Variants in TSC22D2 observed in about 807,000 individuals in gnomAD.
The protein encoded by TSC22D2 is TSC22 domain family member 2, also known as TSC22 domain family protein 2.
A neutral mutation model predicts 50.1 loss-of-function variants in TSC22D2; 5 were observed. The ratio of observed to expected loss-of-function variants is 0.10; its 90% confidence interval spans 0.05 to 0.21. The LOEUF (loss-of-function observed/expected upper bound fraction) is 0.21, where lower values mean the gene tolerates loss of function less well. TSC22D2 is among the 10% of genes least tolerant of loss of function. TSC22D2 has a pLI of 1.00. For synonymous variants in TSC22D2, 501 were observed against 450.1 expected (o/e 1.11, Z -1.43); for missense variants, 1,003 against 1,015.5 (o/e 0.99, Z 0.17).
intron 1 of TSC22D2, among the ~76,000 whole-genome samples, chr3:150,426,014 T>C (rs1436129315): frequency 2.0e-5 from 3 of 152,202 alleles, no homozygotes; most frequent in Non-Finnish European, 4.4e-5. Context: ...GAAGCTACCC[T>C]CAAGTCTTCC....
chr3:150,458,402 T>C lies in TSC22D2; in HGVS notation c.2037T>C (p.Tyr679=), dbSNP rs1215085784. ...ATCTGGTGAAAAGCCATTTGATGTA[T>C]GCAGTAAGAGAAGAAGTGGAAGTTT... ...AMDLVKSHLM[Y]AVREEVEVLK... The change falls in exon 3 of 3, where the codon TAT becomes TAC. Residue 679 remains tyrosine (Y), a synonymous_variant. Coordinates refer to ENST00000688009, the MANE Select transcript of TSC22D2 (RefSeq NM_001303264.2). 1.2e-6 allele frequency: 2 copies of C among 1,613,994 alleles called. No individual in the cohort carries two copies. Among genetic ancestry groups the C allele is most frequent in the South Asian group, 2.2e-5 (2 of 91,076 alleles).
chr3:150,414,171 CTACAT>C (rs1719706491), intron 1 of TSC22D2, among the ~76,000 whole-genome samples: 1 of 152,164 alleles, frequency 6.6e-6, no homozygotes, highest in Admixed American at 6.5e-5. Flanking sequence ...CCTATTGACT[CTACAT>C]TATTAATTAC....
At chr3:150,438,760 T>C (rs553010510) in intron 1 of TSC22D2, among the ~76,000 whole-genome samples, 1 of 152,268 alleles carries the variant, frequency 6.6e-6, no homozygotes, top group South Asian at 2.1e-4. Context: ...CAGCTTAATT[T>C]TATTGCTTTG....
At position 150,427,992 on chromosome 3, in the gene TSC22D2, T is replaced by C. The variant is rs539226146; in HGVS notation, c.1958+16684T>C. Among the ~76,000 whole-genome samples, 33 of 152,294 alleles carry C rather than the reference T, an allele frequency of 2.2e-4. 1 individual carries two copies. In the South Asian group the frequency reaches 5.0e-3, roughly 23 times the overall value. On this transcript the variant is annotated intron_variant, in intron 1 of 2. Transcript: ENST00000688009. ...GGAAGTTAACATTGATAGAATACTA[T>C]TAACTAAACTACAGATCTTATTTTA... is the stretch of plus-strand genomic sequence containing the variant.
rs1166196550 is a variant in TSC22D2 at position 150,465,898 on chromosome 3, CAT to C, written c.*7264_*7265del. 7 of 151,958 alleles carry C rather than the reference CAT, an allele frequency of 4.6e-5. No individual in the cohort carries two copies. The highest frequency in any genetic ancestry group is 8.8e-5 in the Non-Finnish European group (6 of 67,982). 9.4% of individuals were successfully genotyped at this position (151,958 alleles called of 1,614,324 possible). A position where few individuals can be genotyped will look rare whatever the true frequency, so the allele number is the denominator to read the frequency against. ...TTTCTATTATCAGATCATAAAAAAA[CAT>C]AGTACATAGAGGGTTTGGTATTATT... On this transcript the variant is annotated 3_prime_UTR_variant, in exon 3 of 3. Transcript: ENST00000688009.
At chr3:150,433,226 A>G (rs1316970907) in intron 1 of TSC22D2, among the ~76,000 whole-genome samples, 3 of 152,164 alleles carry the variant, frequency 2.0e-5, no homozygotes, top group East Asian at 3.8e-4. Context: ...GGAAGGTGCT[A>G]TTGTATTTTT....
chr3:150,453,175 TAGGG>T (rs1387589802), intron 1 of TSC22D2, among the ~76,000 whole-genome samples: 1 of 152,170 alleles, frequency 6.6e-6, no homozygotes, highest in Non-Finnish European at 1.5e-5. Context: ...AGCCTTTTCT[TAGGG>T]AGCTTAAGTT....
Position 150,410,169 on chromosome 3 carries a change from G to A in TSC22D2, c.819G>A (p.Gln273=). 1 of 1,609,098 alleles carries A rather than the reference G, an allele frequency of 6.2e-7. No individual in the cohort carries two copies. Residue 273 remains glutamine, a synonymous_variant, in exon 1 of 3, where the codon CAG becomes CAA. Coordinates refer to ENST00000688009, the MANE Select transcript of TSC22D2 (RefSeq NM_001303264.2). Reference sequence around the variant, plus strand: ...AGCCGCAGAGTTTTAGCGTTGGGCAGCCACAGCCGCCGCCGCCACCCGTAG... The same window carrying A: ...AGCCGCAGAGTTTTAGCGTTGGGCAACCACAGCCGCCGCCGCCACCCGTAG... The part of the protein sequence containing the change: ...PAQPQSFSVG[Q]PQPPPPPVGG...
chr3:150,435,564 G>A (rs1399904949), intron 1 of TSC22D2, among the ~76,000 whole-genome samples: 1 of 152,068 alleles, frequency 6.6e-6, no homozygotes, highest in Non-Finnish European at 1.5e-5. Flanking sequence ...TGAACAGCAG[G>A]TTGAAAATCT....
rs772454692 is a variant in TSC22D2, at chr3:150,409,395, C to T, written c.45C>T (p.Thr15=). 4 of 1,611,542 alleles carry T rather than the reference C, an allele frequency of 2.5e-6. No homozygotes were observed. The highest frequency in any genetic ancestry group is 3.4e-6 in the Non-Finnish European group (4 of 1,178,326). Residue 15 remains threonine (T), a synonymous_variant, in exon 1 of 3, where the codon ACC becomes ACT. Transcript: ENST00000688009. The surrounding 1 kb of genome is among the most constrained non-coding windows in gnomAD (Gnocchi z 7.4). ...AGAAGAAGAGCTGCTTCCAGATCACCAGTGTCACCACGGCCCAGGTGGCCA... is the reference window on the plus strand; with the variant it reads ...AGAAGAAGAGCTGCTTCCAGATCACTAGTGTCACCACGGCCCAGGTGGCCA... The part of the protein sequence containing the change: ...PAKKKSCFQI[T]SVTTAQVATS...
intron 1 of TSC22D2, among the ~76,000 whole-genome samples, chr3:150,442,352 T>A (rs924124979): frequency 1.3e-5 from 2 of 152,220 alleles, no homozygotes; most frequent in African/African-American, 4.8e-5. Flanking sequence ...CCCCAGGGTC[T>A]GAGAAATGTT....
At chr3:150,447,542 C>A (rs2108096798) in intron 1 of TSC22D2, among the ~76,000 whole-genome samples, 1 of 152,248 alleles carries the variant, frequency 6.6e-6, no homozygotes, top group East Asian at 1.9e-4. Context: ...ACTTAAATTT[C>A]TTTTCTCGTC....
intron 1 of TSC22D2, among the ~76,000 whole-genome samples, chr3:150,423,719 G>T (rs901580237): frequency 6.6e-6 from 1 of 152,062 alleles, no homozygotes; most frequent in African/African-American, 2.4e-5. Flanking sequence ...ATGAAGTCTT[G>T]GAGTTCTTTT....
At chr3:150,456,099 C>T (rs1405341487) in intron 1 of TSC22D2, among the ~76,000 whole-genome samples, 3 of 151,916 alleles carry the variant, frequency 2.0e-5, no homozygotes, top group Non-Finnish European at 4.4e-5. Context: ...ATCTAAACCA[C>T]ACATACCTTA....
chr3:150,418,683 A>G (rs1406384677), intron 1 of TSC22D2, among the ~76,000 whole-genome samples: 2 of 151,954 alleles, frequency 1.3e-5, no homozygotes. Flanking sequence ...ATCATTTGGA[A>G]AATGGTATTG....
intron 1 of TSC22D2, among the ~76,000 whole-genome samples, chr3:150,429,645 G>A (rs928011690): frequency 2.0e-5 from 3 of 152,130 alleles, no homozygotes; most frequent in Non-Finnish European, 4.4e-5. Flanking sequence ...AGTGAAGGTA[G>A]GTCATTGGGA....
intron 1 of TSC22D2, among the ~76,000 whole-genome samples, chr3:150,425,473 G>A (rs1423681876): frequency 2.0e-5 from 3 of 152,134 alleles, no homozygotes; most frequent in Non-Finnish European, 2.9e-5. Context: ...CTGAGATTGC[G>A]CTATTGCACT....
chr3:150,413,473 TAC>T (rs1439915426), intron 1 of TSC22D2, among the ~76,000 whole-genome samples: 1 of 152,072 alleles, frequency 6.6e-6, no homozygotes, highest in African/African-American at 2.4e-5. Flanking sequence ...GATGTAATCT[TAC>T]ACATTTGACT....
At chr3:150,445,320 AATAAT>A (rs1720846454) in intron 1 of TSC22D2, among the ~76,000 whole-genome samples, 1 of 8,424 alleles carries the variant, frequency 1.2e-4, no homozygotes, top group South Asian at 7.4e-3. Context: ...TCTCAAAAAT[AATAAT>A]AATAATAATA....
Sources: allele counts gnomAD v4.1 joint callset (sites outside exome capture counted in the v4.1 genomes callset), GRCh38; gene constraint gnomAD v4.1.1; non-coding constraint Gnocchi (gnomAD v3.1); transcripts MANE v1.5; gene names NCBI Gene and HGNC (gene_info 2026-07-23, HGNC 2026-07-21).